The following RASAL1 variants were observed in gnomAD, a reference collection of about 807,000 sequenced individuals.
The protein encoded by RASAL1 is RAS protein activator like 1, also known as rasGAP-activating-like protein 1.
RASAL1 carries 72 observed loss-of-function variants against 96.6 expected under a neutral mutation model. The ratio of observed to expected loss-of-function variants is 0.75; its 90% CI spans 0.62 to 0.91. The LOEUF is 0.91. Among genes scored for constraint, RASAL1 ranks in the 40% least tolerant of loss-of-function variants. RASAL1 has a pLI of 0.00. For missense variants in RASAL1, 1,016 were observed against 1,072.5 expected, an observed-to-expected ratio of 0.95 and a Z score of 0.74; for synonymous variants, 405 against 430.4, an observed-to-expected ratio of 0.94 and a Z score of 0.73.
chr12:113,116,006 G>T lies in RASAL1; in HGVS notation c.777C>A (p.Asp259Glu). ...GGTAGCACTGGGAGGGCAGGACGCG[G>T]TCCTCAATCAGGCGTACCTTCACTC... is the stretch of plus-strand genomic sequence containing the variant. ...ALRVKVRLIE[D>E]RVLPSQCYQP... The change falls in exon 9 of 21, where the codon GAC becomes GAA. Residue 259 changes from aspartate (D) to glutamate (E), a missense_variant. By Grantham distance (45) the Asp-to-Glu change is conservative. Transcript: ENST00000548055. 5 of 1,610,048 alleles carry T rather than the reference G, an allele frequency of 3.1e-6. No homozygotes were observed. Among genetic ancestry groups the T allele is most frequent in the Non-Finnish European group, 3.4e-6 (4 of 1,177,676 alleles).
Position 113,104,189 on chromosome 12 carries a change from G to C in RASAL1, c.1940C>G (p.Ala647Gly), listed in dbSNP as rs974858663. ...GCACTGGAGGTAGGTGGTGTGCAGC[G>C]CCCCCGTGCCGTCCTGCGTCACCAC... ...MQVVTQDGTG[A>G]LHTTYLQCKN... The change falls in exon 17 of 21, where the codon GCG (alanine) becomes GGG (glycine). Residue 647 changes from alanine to glycine, a missense_variant. Transcript: ENST00000548055. The C allele has an allele frequency of 6.2e-7, 1 of 1,611,352 alleles. No individual in the cohort carries two copies. The highest frequency in any genetic ancestry group is 1.7e-5 in the Admixed American group (1 of 59,876).
Position 113,112,124 on chromosome 12 carries a change from G to A in RASAL1, c.1336C>T (p.Arg446Trp). The A allele has an allele frequency of 1.6e-6, 2 of 1,247,916 alleles. No homozygotes were observed. The highest frequency in any genetic ancestry group is 1.5e-5 in the African/African-American group (1 of 64,584). The allele number at this position is 1,247,916 out of a possible 1,614,324, so 77.3% of individuals were successfully genotyped here. Residue 446 changes from arginine to tryptophan, a missense_variant, in exon 13 of 21, where the codon CGG (arginine) becomes TGG (tryptophan). Physicochemically the swap from Arg to Trp is moderately radical, Grantham distance 101 (BLOSUM62 -3). Coordinates refer to ENST00000548055, the MANE Select transcript of RASAL1 (RefSeq NM_001301202.2). The part of the protein sequence containing the change: ...AMRLAFKQLH[R>W]RVEERFPQAE... Reference sequence around the variant, plus strand: ...TGGGGGAAGCGCTCCTCCACTCGCCGGTGCAGCTGCTTGAAGGCGAGGCGC... The same window carrying A: ...TGGGGGAAGCGCTCCTCCACTCGCCAGTGCAGCTGCTTGAAGGCGAGGCGC...
chr12:113,120,467 G>A (rs1951253484), intron 5 of RASAL1, among the ~76,000 whole-genome samples: 2 of 152,172 alleles, frequency 1.3e-5, no homozygotes, highest in Admixed American at 1.3e-4. Context: ...GGCGGTGGGA[G>A]AGGCTCAGAG....
intron 18 of RASAL1, 26 bp downstream of exon 18, chr12:113,103,920 G>A: frequency 1.9e-6 from 3 of 1,545,204 alleles, no homozygotes; most frequent in Non-Finnish European, 2.6e-6. Flanking sequence ...GGAGGGCGGA[G>A]CCTGCAGTCC....
At position 113,130,762 on chromosome 12, in the gene RASAL1, TGCAGGCCC is replaced by T; in HGVS notation, c.122+115_122+122del. On this transcript the variant is annotated intron_variant, in intron 2 of 20. Coordinates refer to ENST00000548055, the MANE Select transcript of RASAL1 (RefSeq NM_001301202.2). This position sits in a 1 kb window ranked among gnomAD's most constrained non-coding sequence, Gnocchi z 5.1. ...CCCAGCTGGACACAAATCACCCACCTGCAGGCCCGCGAGTCCCCCTCAGGGTAAGCACT... is the reference window on the plus strand; with the variant it reads ...CCCAGCTGGACACAAATCACCCACCTGCGAGTCCCCCTCAGGGTAAGCACT... 1 of 755,070 alleles carries T rather than the reference TGCAGGCCC, an allele frequency of 1.3e-6. No individual in the cohort carries two copies. Among genetic ancestry groups the T allele is most frequent in the East Asian group, 2.8e-5 (1 of 35,974 alleles). 46.8% of individuals were successfully genotyped at this position (755,070 alleles called of 1,614,324 possible).
chr12:113,130,774 A>G lies in RASAL1; in HGVS notation c.122+111T>C, dbSNP rs368758277. The G allele has an allele frequency of 1.8e-4, 152 of 852,374 alleles. No individual in the cohort carries two copies. The African/African-American group carries it at 2.3e-3, about 13-fold the overall frequency. 52.8% of individuals were successfully genotyped at this position (852,374 alleles called of 1,614,324 possible). Reference sequence around the variant, plus strand: ...CAAATCACCCACCTGCAGGCCCGCGAGTCCCCCTCAGGGTAAGCACTCCTT... The same window carrying G: ...CAAATCACCCACCTGCAGGCCCGCGGGTCCCCCTCAGGGTAAGCACTCCTT... On this transcript the variant is annotated intron_variant, in intron 2 of 20. Coordinates refer to ENST00000548055, the MANE Select transcript of RASAL1 (RefSeq NM_001301202.2). This position sits in a 1 kb window ranked among gnomAD's most constrained non-coding sequence, Gnocchi z 5.1.
rs1418729031 is a variant in RASAL1 at position 113,135,684 on chromosome 12, C to T, written c.-222G>A. 2 of 480,510 alleles carry T rather than the reference C, an allele frequency of 4.2e-6. No individual in the cohort carries two copies. The highest frequency in any genetic ancestry group is 7.5e-6 in the Non-Finnish European group (2 of 266,784). The allele number at this position is 480,510 out of a possible 1,614,324, so 29.8% of individuals were successfully genotyped here. A position where few individuals can be genotyped will look rare whatever the true frequency, so the allele number is the denominator to read the frequency against. ...CCGGACTCTACAGGTAGGAGCCGTGCTCCGAGCAGGAGGAGCGCGCAGGGG... is the reference window on the plus strand; with the variant it reads ...CCGGACTCTACAGGTAGGAGCCGTGTTCCGAGCAGGAGGAGCGCGCAGGGG... On this transcript the variant is annotated 5_prime_UTR_variant, in exon 1 of 21. Transcript: ENST00000548055. The surrounding 1 kb of genome is among the most constrained non-coding windows in gnomAD (Gnocchi z 5.7).
intron 18 of RASAL1, 123 bp downstream of exon 18, chr12:113,103,823 G>T (rs1950545951): frequency 7.9e-7 from 1 of 1,266,380 alleles, no homozygotes; most frequent in Middle Eastern, 1.9e-4. Context: ...CAGTTGAGGA[G>T]ACTGAGGCAT....
chr12:113,132,864 T>C (rs1417887413), intron 1 of RASAL1, among the ~76,000 whole-genome samples: 1 of 152,200 alleles, frequency 6.6e-6, no homozygotes, highest in Non-Finnish European at 1.5e-5. Context: ...TCCCCTTCTG[T>C]GGAGTGCCCC....
At chr12:113,105,093 C>T (rs866300104) in intron 16 of RASAL1, among the ~76,000 whole-genome samples, 21 of 152,194 alleles carry the variant, frequency 1.4e-4, no homozygotes, top group South Asian at 2.1e-4. Flanking sequence ...AAACAGGAAG[C>T]GTGGGCTCCC....
intron 4 of RASAL1, among the ~76,000 whole-genome samples, chr12:113,124,323 T>C (rs981333253): frequency 3.9e-5 from 6 of 152,126 alleles, no homozygotes; most frequent in African/African-American, 1.4e-4. Flanking sequence ...CTTTTGAGGA[T>C]TGAGTCCCGC....
chr12:113,121,414 C>G, intron 5 of RASAL1, 95 bp downstream of exon 5: 1 of 1,565,152 alleles, frequency 6.4e-7, no homozygotes. Context: ...TGCCCCAGGA[C>G]TGAGGAGGTC....
chr12:113,129,689 C>T lies in RASAL1; in HGVS notation c.122+1196G>A, dbSNP rs536070486. Among the ~76,000 whole-genome samples, 54 of 152,262 alleles carry T rather than the reference C, an allele frequency of 3.5e-4. No homozygotes were observed. Among genetic ancestry groups the T allele is most frequent in the African/African-American group, 1.3e-3 (52 of 41,546 alleles). The stretch of plus-strand genomic sequence containing the variant: ...CCTCCCTCCTTTCACCACACTGTGC[C>T]CTAAGAAAGAGTGCACATATGCGCG... On this transcript the variant is annotated intron_variant, in intron 2 of 20. Coordinates refer to ENST00000548055, the MANE Select transcript of RASAL1 (RefSeq NM_001301202.2). This position sits in a 1 kb window ranked among gnomAD's most constrained non-coding sequence, Gnocchi z 5.0.
chr12:113,119,357 C>T lies in RASAL1; in HGVS notation c.510+5G>A. ...TCCTTCCTGGCTTCATTCCCCACCA[C>T]TCACTGAGGTCTCCAAGCTCTGGCT... On this transcript the variant is annotated splice_donor_5th_base_variant and intron_variant, in intron 6 of 20. Transcript: ENST00000548055. 1 of 1,613,216 alleles carries T rather than the reference C, an allele frequency of 6.2e-7. No homozygotes were observed. The highest frequency in any genetic ancestry group is 8.5e-7 in the Non-Finnish European group (1 of 1,179,596).
intron 15 of RASAL1, 148 bp from the exon 16 acceptor site, chr12:113,106,034 AC>A: frequency 1.2e-6 from 1 of 802,716 alleles, no homozygotes; most frequent in Non-Finnish European, 1.9e-6. Context: ...ATGACTTCAG[AC>A]CACTCCCTCA....
intron 13 of RASAL1, among the ~76,000 whole-genome samples, chr12:113,110,534 C>T (rs1950828728): frequency 6.6e-6 from 1 of 152,222 alleles, no homozygotes; most frequent in African/African-American, 2.4e-5. Context: ...GGGTCCCAAA[C>T]TGGCCAGTCC....
chr12:113,104,271 T>C lies in RASAL1; in HGVS notation c.1858A>G (p.Ile620Val). 1 of 1,583,770 alleles carries C rather than the reference T, an allele frequency of 6.3e-7. No individual in the cohort carries two copies. Among genetic ancestry groups the C allele is most frequent in the Non-Finnish European group, 8.6e-7 (1 of 1,165,086 alleles). ...TCGTCTACGCGCTCCACGGCGCGGA[T>C]GTGAGACACGGGGATGGAGTGACAC... ...QMCHSIPVSH[I>V]RAVERVDEGA... Residue 620 changes from isoleucine to valine, a missense_variant, in exon 17 of 21, where the codon ATC becomes GTC. Coordinates refer to ENST00000548055, the MANE Select transcript of RASAL1 (RefSeq NM_001301202.2).
chr12:113,101,514 C>A (rs1311834769), intron 19 of RASAL1, among the ~76,000 whole-genome samples: 1 of 152,172 alleles, frequency 6.6e-6, no homozygotes, highest in East Asian at 1.9e-4. Flanking sequence ...AGAACCCACT[C>A]TATAATGAGT....
chr12:113,101,507 ACCCAC>A (rs1219273927), intron 19 of RASAL1, among the ~76,000 whole-genome samples: 1 of 152,182 alleles, frequency 6.6e-6, no homozygotes, highest in East Asian at 1.9e-4. Flanking sequence ...CAGCTTCAGA[ACCCAC>A]TCTATAATGA....
Sources: allele counts gnomAD v4.1 joint callset (sites outside exome capture counted in the v4.1 genomes callset), GRCh38; gene constraint gnomAD v4.1.1; non-coding constraint Gnocchi (gnomAD v3.1); transcripts MANE v1.5; gene names NCBI Gene and HGNC (gene_info 2026-07-23, HGNC 2026-07-21).